SLC9A7: variants seen among roughly 807,000 people sequenced by gnomAD.
The protein encoded by SLC9A7 is sodium/hydrogen exchanger 7.
A neutral mutation model predicts 52.6 loss-of-function variants in SLC9A7; 19 were observed. That is an observed-to-expected ratio of 0.36 (90% CI 0.25 to 0.53). The LOEUF (loss-of-function observed/expected upper bound fraction) is 0.53, where lower values mean the gene tolerates loss of function less well. Among genes scored for constraint, SLC9A7 ranks in the 20% least tolerant of loss-of-function variants. The probability of loss-of-function intolerance (pLI) is 0.91; values close to 1 mark genes in which losing one functional copy is unlikely to be tolerated. For missense variants in SLC9A7, 455 were observed against 597.9 expected, an observed-to-expected ratio of 0.76 and a Z score of 2.49; for synonymous variants, 226 against 252.1, an observed-to-expected ratio of 0.90 and a Z score of 0.98.
At chrX:46,624,358 G>A (rs934713184) in intron 14 of SLC9A7, among the ~76,000 whole-genome samples, 3 of 112,056 alleles carry the variant, frequency 2.7e-5, no homozygotes, top group Non-Finnish European at 5.6e-5. Context: ...CTAACTCCAG[G>A]TACGTAGTGA....
At chrX:46,658,469 C>A (rs1202263552) in intron 7 of SLC9A7, among the ~76,000 whole-genome samples, 2 of 110,865 alleles carry the variant, frequency 1.8e-5, no homozygotes, top group Admixed American at 9.6e-5. Context: ...AATTGATAAA[C>A]CACTAGCAAG....
intron 16 of SLC9A7, among the ~76,000 whole-genome samples, chrX:46,612,798 C>T (rs974123666): frequency 3.7e-5 from 4 of 108,101 alleles, no homozygotes; most frequent in Non-Finnish European, 5.8e-5. Context: ...TGGTGGCAGG[C>T]GCCTGTAATC....
chrX:46,682,750 G>C (rs1483887022), intron 1 of SLC9A7, among the ~76,000 whole-genome samples: 1 of 110,599 alleles, frequency 9.0e-6, no homozygotes, highest in East Asian at 2.8e-4. Flanking sequence ...CGGCCACCAG[G>C]AGGACAAGGT....
intron 3 of SLC9A7, among the ~76,000 whole-genome samples, chrX:46,676,527 G>A (rs1338784733): frequency 3.6e-5 from 4 of 111,910 alleles, no homozygotes; most frequent in Non-Finnish European, 5.6e-5. Flanking sequence ...ATAAAGGGAA[G>A]GTTCTGCAAA....
chrX:46,702,869 T>C (rs1395546202), intron 1 of SLC9A7, among the ~76,000 whole-genome samples: 1 of 112,484 alleles, frequency 8.9e-6, no homozygotes, highest in Admixed American at 9.4e-5. Context: ...CTTTCCACAG[T>C]GGCTGAATTA....
At chrX:46,643,159 C>A (rs958308490) in intron 12 of SLC9A7, 77 bp downstream of exon 12, 8 of 971,652 alleles carry the variant, frequency 8.2e-6, no homozygotes, top group African/African-American at 1.9e-5. Flanking sequence ...TAAAGTAGCA[C>A]ATCCTGCACA....
In SLC9A7 at chrX:46,706,078, G is replaced by A. The variant is rs142748606; in HGVS notation, c.326-23543C>T. ...TAAAAAAAATCAACTGGGGAAATGC[G>A]AACTCACTGGATATTTGACAAATAT... On this transcript the variant is annotated intron_variant, in intron 1 of 16. Coordinates refer to ENST00000616978, the MANE Select transcript of SLC9A7 (RefSeq NM_001257291.2). 3.5e-3 allele frequency among the ~76,000 whole-genome samples: 380 copies of A among 108,300 alleles called. 6 individuals are homozygous for A. The highest frequency in any genetic ancestry group is 0.013 in the East Asian group (46 of 3,414). The allele number at this position is 108,300 out of a possible 115,157, so 94.0% of individuals were successfully genotyped here. A position where few individuals can be genotyped will look rare whatever the true frequency, so the allele number is the denominator to read the frequency against.
chrX:46,613,215 T>C (rs1403423939), intron 16 of SLC9A7, 74 bp downstream of exon 16: 7 of 720,260 alleles, frequency 9.7e-6, no homozygotes, highest in South Asian at 3.8e-5. Context: ...ATGAGTATGA[T>C]GGTTTCTTCT....
chrX:46,694,328 C>T (rs763681903), intron 1 of SLC9A7, among the ~76,000 whole-genome samples: 5 of 109,440 alleles, frequency 4.6e-5, no homozygotes, highest in East Asian at 2.8e-4. Context: ...AAGAAAATGA[C>T]GAGGAAAAAA....
intron 3 of SLC9A7, among the ~76,000 whole-genome samples, chrX:46,677,862 T>C (rs1406896080): frequency 8.9e-6 from 1 of 112,397 alleles, no homozygotes; most frequent in Admixed American, 9.4e-5. Flanking sequence ...GGTTTTTCAT[T>C]ATAAACTCAA....
In SLC9A7 at chrX:46,661,961, A is replaced by T. The variant is rs760003006; in HGVS notation, c.1041+55T>A. Reference sequence around the variant, plus strand: ...AACAGCTGAGAACTTTCTTTTTGAAAGTGTAATGCCACACACGCATACCCA... The same window carrying T: ...AACAGCTGAGAACTTTCTTTTTGAATGTGTAATGCCACACACGCATACCCA... On this transcript the variant is annotated intron_variant, in intron 7 of 16. Transcript: ENST00000616978. The T allele has an allele frequency of 1.1e-5, 12 of 1,044,680 alleles. No homozygotes were observed. The African/African-American group carries it at 2.1e-4, about 19-fold the overall frequency. The allele number at this position is 1,044,680 out of a possible 1,213,427, so 86.1% of individuals were successfully genotyped here. A position where few individuals can be genotyped will look rare whatever the true frequency, so the allele number is the denominator to read the frequency against.
intron 6 of SLC9A7, 22 bp downstream of exon 6, chrX:46,662,516 C>A (rs764160108): frequency 8.9e-6 from 10 of 1,125,296 alleles, no homozygotes; most frequent in Non-Finnish European, 1.1e-5. Context: ...GTCTCTTCTC[C>A]AGCAGAAACA....
intron 5 of SLC9A7, among the ~76,000 whole-genome samples, chrX:46,665,185 G>GACCCTACAGCAGGACCCT (rs1943896816): frequency 9.0e-6 from 1 of 110,777 alleles, no homozygotes; most frequent in Non-Finnish European, 1.9e-5. Context: ...TGAAATCAGG[G>GACCCTACAGCAGGACCCT]TGAGCAGGGT....
chrX:46,607,408 A>AACAGTTTC (rs1358506581), intron 16 of SLC9A7, among the ~76,000 whole-genome samples: 4 of 111,220 alleles, frequency 3.6e-5, no homozygotes, highest in East Asian at 5.6e-4. Context: ...AATACTAGAA[A>AACAGTTTC]ACAGTTTCTA....
chrX:46,715,135 C>T (rs1285855440), intron 1 of SLC9A7, among the ~76,000 whole-genome samples: 3 of 111,867 alleles, frequency 2.7e-5, no homozygotes, highest in African/African-American at 9.7e-5. Flanking sequence ...TAAGACCCTA[C>T]CCAAGCTCCT....
intron 1 of SLC9A7, among the ~76,000 whole-genome samples, chrX:46,686,473 G>A (rs1177567419): frequency 8.9e-6 from 1 of 111,849 alleles, no homozygotes; most frequent in Non-Finnish European, 1.9e-5. Context: ...TAGAACTGCA[G>A]GAAGGTAATT....
chrX:46,670,936 T>C lies in SLC9A7; in HGVS notation c.681-1217A>G, dbSNP rs949059934. 1.2e-4 allele frequency among the ~76,000 whole-genome samples: 13 copies of C among 111,189 alleles called. 1 individual carries two copies. The highest frequency in any genetic ancestry group is 1.1e-3 in the Admixed American group (11 of 10,438). On this transcript the variant is annotated intron_variant, in intron 4 of 16. Transcript: ENST00000616978. Reference sequence around the variant, plus strand: ...TTCCACCAGTCTGTGACCTAAACAATAGACTTCTCCGGCAGCCTTTTCCCC... The same window carrying C: ...TTCCACCAGTCTGTGACCTAAACAACAGACTTCTCCGGCAGCCTTTTCCCC...
At position 46,613,269 on chromosome X, in the gene SLC9A7, C is replaced by T; in HGVS notation, c.1929+20G>A. The T allele has an allele frequency of 1.8e-6, 2 of 1,122,741 alleles. No individual in the cohort carries two copies. The highest frequency in any genetic ancestry group is 2.4e-6 in the Non-Finnish European group (2 of 829,835). The allele number at this position is 1,122,741 out of a possible 1,213,427, so 92.5% of individuals were successfully genotyped here. On this transcript the variant is annotated intron_variant, in intron 16 of 16. Transcript: ENST00000616978. ...CCTGGCATGGTGACCAGGACTCCAACCCTGATGTGCAGTACTTACATCGTA... is the reference window on the plus strand; with the variant it reads ...CCTGGCATGGTGACCAGGACTCCAATCCTGATGTGCAGTACTTACATCGTA...
Position 46,606,396 on chromosome X carries a change from G to A in SLC9A7, c.*556C>T. Reference sequence around the variant, plus strand: ...CTAGAAAAAACACAGGCAGCATAAAGTCAGGAATCCTGATATGAGGTTGCA... The same window carrying A: ...CTAGAAAAAACACAGGCAGCATAAAATCAGGAATCCTGATATGAGGTTGCA... On this transcript the variant is annotated 3_prime_UTR_variant, in exon 17 of 17. Transcript: ENST00000616978. 1 of 755,561 alleles carries A rather than the reference G, an allele frequency of 1.3e-6. No homozygotes were observed. The highest frequency in any genetic ancestry group is 1.5e-4 in the East Asian group (1 of 6,703). The allele number at this position is 755,561 out of a possible 1,213,427, so 62.3% of individuals were successfully genotyped here.
Sources: gnomAD v4.1 joint callset for allele counts (sites outside exome capture counted in the v4.1 genomes callset) on GRCh38, gnomAD v4.1.1 for gene constraint, MANE v1.5 for transcripts, NCBI Gene and HGNC (gene_info 2026-07-23, HGNC 2026-07-21) for gene names.